The following PRH1 variants were observed in gnomAD, a reference collection of about 807,000 sequenced individuals.
PRH1 encodes the protein proline rich protein HaeIII subfamily 1, also known as salivary acidic proline-rich phosphoprotein 1/2.
A neutral mutation model predicts 7.9 loss-of-function variants in PRH1; 7 were observed. The ratio of observed to expected loss-of-function variants is 0.89; its 90% confidence interval spans 0.50 to 1.67. The LOEUF (loss-of-function observed/expected upper bound fraction) is 1.67. Ranked by LOEUF, PRH1 falls within the 40% of genes most tolerant of loss-of-function variation. PRH1 has a pLI of 0.00. For missense variants in PRH1, 109 were observed against 223.6 expected, an observed-to-expected ratio of 0.49 and a Z score of 3.27; for synonymous variants, 45 against 80.8, an observed-to-expected ratio of 0.56 and a Z score of 2.38.
rs79326612 is a variant in PRH1, at chr12:11,068,898, G to C, written n.124-21710C>G. On this transcript the variant is annotated intron_variant and non_coding_transcript_variant, in intron 1 of 4. Coordinates refer to the PRH1 transcript ENST00000541977. Reference sequence around the variant, plus strand: ...CTCCATCTTTTCCCTTAGATTTTTGGTATTATTACTTCTATTTTTCATTTT... The same window carrying C: ...CTCCATCTTTTCCCTTAGATTTTTGCTATTATTACTTCTATTTTTCATTTT... Among the ~76,000 whole-genome samples, 432 of 124,910 alleles carry C rather than the reference G, an allele frequency of 3.5e-3. 4 individuals carry two copies. Among genetic ancestry groups the C allele is most frequent in the African/African-American group, 0.011 (405 of 36,840 alleles). The allele number at this position is 124,910 out of a possible 152,430, so 81.9% of individuals were successfully genotyped here.
At position 11,092,920 on chromosome 12, in the gene PRH1, C is replaced by G. The variant is rs1363759880; in HGVS notation, n.124-45732G>C. Among the ~76,000 whole-genome samples, 14 of 114,774 alleles carry G rather than the reference C, an allele frequency of 1.2e-4. 5 individuals are homozygous for G. Among genetic ancestry groups the G allele is most frequent in the Non-Finnish European group, 2.3e-4 (11 of 48,544 alleles). The allele number at this position is 114,774 out of a possible 152,430, so 75.3% of individuals were successfully genotyped here. ...TGTTAACTGATGAGTTCAATGATCT[C>G]TTTATGGAAAACATTCCTATTTTCA... On this transcript the variant is annotated intron_variant and non_coding_transcript_variant, in intron 1 of 4. Coordinates refer to the PRH1 transcript ENST00000541977.
At chr12:10,931,236 G>T in intron 2 of PRH1, 2 of 1,459,202 alleles carry the variant, frequency 1.4e-6, no homozygotes, top group Non-Finnish European at 9.1e-7. Flanking sequence ...AAGGTAGCAA[G>T]ATCTTGTTTT....
chr12:10,971,472 A>C (rs1397631521), intron 2 of PRH1, among the ~76,000 whole-genome samples: 1 of 151,946 alleles, frequency 6.6e-6, no homozygotes, highest in Non-Finnish European at 1.5e-5. Flanking sequence ...GTACTATACT[A>C]TTATATAGGT....
At chr12:11,162,222 A>C (rs1366399371) in intron 1 of PRH1, among the ~76,000 whole-genome samples, 1 of 152,184 alleles carries the variant, frequency 6.6e-6, no homozygotes, top group Non-Finnish European at 1.5e-5. Flanking sequence ...CACAGGGACT[A>C]ATCAGGAACT....
At chr12:11,140,236 G>C (rs1474612643) in intron 1 of PRH1, among the ~76,000 whole-genome samples, 1 of 151,964 alleles carries the variant, frequency 6.6e-6, no homozygotes, top group Non-Finnish European at 1.5e-5. Flanking sequence ...AGCACTGTAA[G>C]GGAAATTTCA....
chr12:10,920,669 A>T (rs371789087), intron 2 of PRH1, among the ~76,000 whole-genome samples: 2 of 152,126 alleles, frequency 1.3e-5, no homozygotes, highest in African/African-American at 4.8e-5. Context: ...TTTTTAAATT[A>T]TCTAGGTGGA....
intron 2 of PRH1, chr12:10,891,538 A>G (rs188933076): frequency 3.3e-5 from 5 of 152,334 alleles, no homozygotes; most frequent in Middle Eastern, 6.8e-3. Context: ...GACTTTCAGC[A>G]AATCCTATTA....
chr12:11,083,843 C>T (rs74712876), intron 1 of PRH1, among the ~76,000 whole-genome samples: 7,229 of 73,586 alleles, frequency 0.098, 5 homozygotes, highest in African/African-American at 0.14. Flanking sequence ...TTTTTCAAAC[C>T]TAATAATTCC....
Position 11,167,739 on chromosome 12 carries a change from G to T in PRH1, n.39+3683C>A, listed in dbSNP as rs1333906532. Among the ~76,000 whole-genome samples the T allele has an allele frequency of 2.6e-5, 4 of 152,084 alleles. No individual in the cohort carries two copies. In the East Asian group the frequency reaches 5.8e-4, roughly 22 times the overall value. On this transcript the variant is annotated intron_variant and non_coding_transcript_variant, in intron 1 of 1. Coordinates refer to the PRH1 transcript ENST00000541175. ...AAAATTCAGTTTACCTGCTCACCTT[G>T]TAACTTCAGTTCTAACAAGCTCAAA...
intron 2 of PRH1, chr12:10,965,437 T>A: frequency 1.9e-6 from 1 of 532,024 alleles, no homozygotes; most frequent in Non-Finnish European, 3.1e-6. Context: ...AAATTTTATG[T>A]GGACCTGATT....
intron 1 of PRH1, among the ~76,000 whole-genome samples, chr12:11,004,359 A>T (rs2136026381): frequency 6.6e-6 from 1 of 152,160 alleles, no homozygotes; most frequent in South Asian, 2.1e-4. Flanking sequence ...TACAAAAATT[A>T]GCCTGGTGTG....
upstream of PRH1, among the ~76,000 whole-genome samples, chr12:10,885,753 C>T (rs1465816342): frequency 6.6e-6 from 1 of 152,152 alleles, no homozygotes; most frequent in Non-Finnish European, 1.5e-5. Flanking sequence ...TAATTTTTCA[C>T]TTTTTGTGCA....
chr12:11,052,313 A>G (rs1208520261), intron 1 of PRH1, among the ~76,000 whole-genome samples: 1 of 152,176 alleles, frequency 6.6e-6, no homozygotes, highest in Non-Finnish European at 1.5e-5. Context: ...AAGGTCTACT[A>G]CTCTTTGGAA....
intron 1 of PRH1, among the ~76,000 whole-genome samples, chr12:11,155,412 A>G (rs1947222028): frequency 6.6e-6 from 1 of 152,216 alleles, no homozygotes; most frequent in South Asian, 2.1e-4. Context: ...CTTTTCTAGA[A>G]CATTAGAAAC....
intron 1 of PRH1, among the ~76,000 whole-genome samples, chr12:11,083,703 C>T (rs1489399905): frequency 2.0e-5 from 3 of 152,304 alleles, no homozygotes; most frequent in African/African-American, 4.8e-5. Context: ...TTCCTCCATC[C>T]CTACCATCCC....
At chr12:10,959,942 G>T (rs188496669) in intron 2 of PRH1, among the ~76,000 whole-genome samples, 1 of 152,270 alleles carries the variant, frequency 6.6e-6, no homozygotes, top group East Asian at 1.9e-4. Flanking sequence ...GAGGTGCCCA[G>T]TGAACAACAA....
At chr12:10,922,910 G>A (rs1565473366) in intron 2 of PRH1, among the ~76,000 whole-genome samples, 1 of 141,982 alleles carries the variant, frequency 7.0e-6, no homozygotes, top group African/African-American at 2.5e-5. Context: ...CTCACTGCAA[G>A]CTCCGCTTCC....
intron 2 of PRH1, among the ~76,000 whole-genome samples, chr12:10,914,850 T>A (rs888397898): frequency 2.0e-5 from 3 of 152,162 alleles, no homozygotes; most frequent in African/African-American, 7.2e-5. Context: ...CAGCCATGGC[T>A]GGGCACGGTG....
At chr12:11,169,562 G>A (rs1056575455) in intron 1 of PRH1, among the ~76,000 whole-genome samples, 1 of 152,102 alleles carries the variant, frequency 6.6e-6, no homozygotes, top group Non-Finnish European at 1.5e-5. Flanking sequence ...CGTAAAGGGT[G>A]GCACAAAAGA....
Sources: gnomAD v4.1 joint callset for allele counts (sites outside exome capture counted in the v4.1 genomes callset) on GRCh38, gnomAD v4.1.1 for gene constraint, MANE v1.5 for transcripts, NCBI Gene and HGNC (gene_info 2026-07-23, HGNC 2026-07-21) for gene names.